PSD3: variants seen among roughly 807,000 people sequenced by gnomAD.
The protein encoded by PSD3 is PH and SEC7 domain-containing protein 3.
Under a neutral mutation model 105.5 loss-of-function variants are expected in PSD3, and 49 were observed. The observed-to-expected ratio is 0.46, with a 90% confidence interval of 0.37 to 0.59. The LOEUF (loss-of-function observed/expected upper bound fraction) is 0.59, where lower values mean the gene tolerates loss of function less well. PSD3 is among the 20% of genes least tolerant of loss of function. PSD3 has a pLI of 0.00. For synonymous variants in PSD3, 557 were observed against 457.8 expected (o/e 1.22, Z -2.77); for missense variants, 1,561 against 1,263.8 (o/e 1.24, Z -3.57).
intron 1 of PSD3, among the ~76,000 whole-genome samples, chr8:18,983,428 G>C (rs1191898727): frequency 6.6e-6 from 1 of 152,182 alleles, no homozygotes; most frequent in Non-Finnish European, 1.5e-5. Flanking sequence ...GTTGGTGCAA[G>C]AGACCTAGCT....
intron 9 of PSD3, chr8:18,762,903 T>A (rs1267878369): frequency 4.7e-6 from 6 of 1,263,574 alleles, no homozygotes; most frequent in Non-Finnish European, 6.2e-6. Flanking sequence ...CTTATACTTT[T>A]ATTTCAACAT....
intron 2 of PSD3, among the ~76,000 whole-genome samples, chr8:18,907,219 G>A (rs149666431): frequency 0.047 from 7,097 of 152,288 alleles, 201 homozygotes; most frequent in Admixed American, 0.08. Context: ...GGACAGTGAT[G>A]TCCTAGGCCT....
intron 8 of PSD3, chr8:18,774,659 A>G: frequency 2.7e-6 from 1 of 367,504 alleles, no homozygotes; most frequent in African/African-American, 2.1e-5. Context: ...TGATACAAGT[A>G]TTCTTGGGCC....
At chr8:18,600,720 G>T (rs764137264) in intron 11 of PSD3, among the ~76,000 whole-genome samples, 2 of 152,160 alleles carry the variant, frequency 1.3e-5, no homozygotes, top group African/African-American at 4.8e-5. Flanking sequence ...CCACAACTAG[G>T]AAGAGTAGAA....
At position 18,623,448 on chromosome 8, in the gene PSD3, C is replaced by CAAAAAAAAA. The variant is rs1415289898; in HGVS notation, c.2410+9156_2410+9164dup. ...GCAATATAGTCAGCCCCCGTCTCCC[C>CAAAAAAAAA]AAAAAAAAAAAAAAAAAAAAAAGAA... On this transcript the variant is annotated intron_variant, in intron 11 of 15. Coordinates refer to ENST00000327040, the MANE Select transcript of PSD3 (RefSeq NM_015310.4). 3.7e-4 allele frequency among the ~76,000 whole-genome samples: 25 copies of CAAAAAAAAA among 67,282 alleles called. 5 individuals are homozygous for CAAAAAAAAA. Among genetic ancestry groups the CAAAAAAAAA allele is most frequent in the East Asian group, 1.0e-3 (2 of 1,950 alleles). 44.1% of individuals were successfully genotyped at this position (67,282 alleles called of 152,430 possible).
chr8:18,927,836 G>A (rs902161016), intron 2 of PSD3, among the ~76,000 whole-genome samples: 2 of 152,178 alleles, frequency 1.3e-5, no homozygotes, highest in Non-Finnish European at 2.9e-5. Context: ...GTGTATGCCA[G>A]GAAATGGGGA....
intron 9 of PSD3, among the ~76,000 whole-genome samples, chr8:18,724,149 G>A (rs894301375): frequency 6.6e-6 from 1 of 152,164 alleles, no homozygotes; most frequent in African/African-American, 2.4e-5. Flanking sequence ...AAGCAGGTAG[G>A]GGTGGAAGAA....
intron 9 of PSD3, among the ~76,000 whole-genome samples, chr8:18,757,516 CTT>C (rs746390514): frequency 1.2e-4 from 19 of 152,114 alleles, no homozygotes; most frequent in Admixed American, 2.6e-4. Flanking sequence ...AGATTCTACT[CTT>C]TGTTTCTTTT....
chr8:19,029,092 G>A (rs947504873), intron 1 of PSD3, among the ~76,000 whole-genome samples: 1 of 152,136 alleles, frequency 6.6e-6, no homozygotes, highest in Non-Finnish European at 1.5e-5. Context: ...ATCAAGTAGT[G>A]TAAGTATTCT....
chr8:18,903,250 C>T (rs1285585823), intron 2 of PSD3, among the ~76,000 whole-genome samples: 3 of 152,080 alleles, frequency 2.0e-5, no homozygotes, highest in East Asian at 3.9e-4. Flanking sequence ...GGTATGACTG[C>T]GATTTGGGAA....
chr8:18,723,903 TTAATG>T (rs1470543318), intron 9 of PSD3, among the ~76,000 whole-genome samples: 2 of 152,204 alleles, frequency 1.3e-5, no homozygotes, highest in African/African-American at 4.8e-5. Context: ...AGAAATTAAT[TTAATG>T]TGATTGGCAA....
At chr8:18,760,485 A>C (rs1296213873) in intron 9 of PSD3, among the ~76,000 whole-genome samples, 1 of 152,032 alleles carries the variant, frequency 6.6e-6, no homozygotes, top group Non-Finnish European at 1.5e-5. Flanking sequence ...TGTAAGTGAG[A>C]TCATGCGGTA....
At chr8:18,988,305 A>G (rs1418667961) in intron 1 of PSD3, among the ~76,000 whole-genome samples, 1 of 152,194 alleles carries the variant, frequency 6.6e-6, no homozygotes, top group Non-Finnish European at 1.5e-5. Flanking sequence ...AAGGAAAAGC[A>G]CGAAAGCCCT....
At chr8:18,998,040 T>G (rs1826172397) in intron 1 of PSD3, among the ~76,000 whole-genome samples, 1 of 151,906 alleles carries the variant, frequency 6.6e-6, no homozygotes, top group Non-Finnish European at 1.5e-5. Context: ...GACCACTGTA[T>G]CCCTGGAACC....
intron 11 of PSD3, among the ~76,000 whole-genome samples, chr8:18,603,700 T>TG (rs1804602565): frequency 6.6e-6 from 1 of 152,126 alleles, no homozygotes; most frequent in African/African-American, 2.4e-5. Flanking sequence ...GTCATGTGGG[T>TG]GGTTTCTCAT....
At chr8:18,646,769 A>G (rs1808068093) in intron 10 of PSD3, among the ~76,000 whole-genome samples, 1 of 152,334 alleles carries the variant, frequency 6.6e-6, no homozygotes, top group Non-Finnish European at 1.5e-5. Context: ...TTTAATTAAT[A>G]TGTATTAATA....
intron 1 of PSD3, among the ~76,000 whole-genome samples, chr8:19,002,491 T>C (rs1255140940): frequency 1.3e-5 from 2 of 152,062 alleles, no homozygotes; most frequent in Non-Finnish European, 2.9e-5. Context: ...ACCATCAAGA[T>C]TGATTGTGAT....
chr8:18,827,311 G>C (rs1028326285), intron 4 of PSD3, among the ~76,000 whole-genome samples: 13 of 152,184 alleles, frequency 8.5e-5, no homozygotes, highest in Admixed American at 2.6e-4. Context: ...AGAAAGGAAA[G>C]AAAAGTTTTC....
intron 2 of PSD3, among the ~76,000 whole-genome samples, chr8:18,881,814 A>G (rs1818123767): frequency 6.6e-6 from 1 of 152,216 alleles, no homozygotes; most frequent in East Asian, 1.9e-4. Context: ...TTTCTTTACA[A>G]TTATATCTCC....
Sources: allele counts gnomAD v4.1 joint callset (sites outside exome capture counted in the v4.1 genomes callset), GRCh38; gene constraint gnomAD v4.1.1; transcripts MANE v1.5; gene names NCBI Gene and HGNC (gene_info 2026-07-23, HGNC 2026-07-21).